KCTD18: variants seen among roughly 807,000 people sequenced by gnomAD.
KCTD18 encodes potassium channel tetramerization domain containing 18, also known as BTB/POZ domain-containing protein KCTD18.
In KCTD18, 22 loss-of-function variants were observed where a neutral mutation model predicts 30.4. The observed-to-expected ratio is 0.72, with a 90% CI of 0.52 to 1.03. The LOEUF (loss-of-function observed/expected upper bound fraction) is 1.03. Among genes scored for constraint, KCTD18 ranks in the 50% least tolerant of loss-of-function variants. The probability of loss-of-function intolerance (pLI) is 0.00; values close to 1 mark genes in which losing one functional copy is unlikely to be tolerated. For synonymous variants in KCTD18, 186 were observed against 209.0 expected, an observed-to-expected ratio of 0.89 and a Z score of 0.95; for missense variants, 529 against 547.6, an observed-to-expected ratio of 0.97 and a Z score of 0.34.
At chr2:200,498,768 C>T (rs2088036928) in intron 4 of KCTD18, 123 bp downstream of exon 4, 1 of 778,018 alleles carries the variant, frequency 1.3e-6, no homozygotes, top group Non-Finnish European at 2.2e-6. Flanking sequence ...GCTATGATGG[C>T]TCACTGTGTC....
intron 3 of KCTD18, among the ~76,000 whole-genome samples, chr2:200,501,837 C>T (rs1039570128): frequency 1.3e-4 from 20 of 150,908 alleles, no homozygotes; most frequent in African/African-American, 2.2e-4. Flanking sequence ...CACATGCACA[C>T]GTATGTTTAT....
At chr2:200,497,875 A>G in intron 4 of KCTD18, 28 bp from the exon 5 acceptor site, 2 of 1,439,602 alleles carry the variant, frequency 1.4e-6, no homozygotes, top group Admixed American at 1.7e-5. Context: ...AGTAATGAAA[A>G]TATACTACCT....
rs553746843 is a variant in KCTD18, at chr2:200,489,873, T to C, written c.*227A>G. ...AAAAAATAAATTGAAAACCAGAAAT[T>C]CAAACTGCCCATAGACAATCATATA... On this transcript the variant is annotated 3_prime_UTR_variant, in exon 7 of 7. Coordinates refer to ENST00000359878, the MANE Select transcript of KCTD18 (RefSeq NM_152387.4). The C allele has an allele frequency of 1.4e-4, 66 of 482,632 alleles. No individual in the cohort carries two copies. The highest frequency in any genetic ancestry group is 1.3e-3 in the African/African-American group (64 of 51,156). The allele number at this position is 482,632 out of a possible 1,614,324, so 29.9% of individuals were successfully genotyped here.
intron 4 of KCTD18, 47 bp downstream of exon 4, chr2:200,498,844 G>T: frequency 6.5e-7 from 1 of 1,538,528 alleles, no homozygotes; most frequent in Non-Finnish European, 9.0e-7. Flanking sequence ...TCTTAAAAGA[G>T]ACCAAGACTT....
chr2:200,490,717 C>G (rs930942858), intron 6 of KCTD18, 101 bp from the exon 7 acceptor site: 1 of 1,351,792 alleles, frequency 7.4e-7, no homozygotes, highest in Non-Finnish European at 1.0e-6. Flanking sequence ...AGGTTTTGGT[C>G]AAGAATTAAA....
At chr2:200,491,247 C>T (rs1297996458) in intron 6 of KCTD18, among the ~76,000 whole-genome samples, 1 of 152,164 alleles carries the variant, frequency 6.6e-6, no homozygotes, top group Non-Finnish European at 1.5e-5. Flanking sequence ...CTTGCTGTCT[C>T]TCACCGTGTG....
In KCTD18 at chr2:200,490,148, G is replaced by A. The variant is rs753720777; in HGVS notation, c.1233C>T (p.Ala411=). The part of the protein sequence containing the change: ...NSLKPLPGEA[A]RALGVRTENG... ...TCTCAGTCCGCACTCCCAAGGCACGGGCAGCTTCGCCGGGAAGCGGCTTGA... is the reference window on the plus strand; with the variant it reads ...TCTCAGTCCGCACTCCCAAGGCACGAGCAGCTTCGCCGGGAAGCGGCTTGA... Residue 411 remains alanine (A), a synonymous_variant, in exon 7 of 7, where the codon GCC becomes GCT. Transcript: ENST00000359878. 2 of 1,607,672 alleles carry A rather than the reference G, an allele frequency of 1.2e-6. No individual in the cohort carries two copies. The highest frequency in any genetic ancestry group is 8.5e-7 in the Non-Finnish European group (1 of 1,174,928).
At chr2:200,509,293 C>G (rs974136240) in intron 1 of KCTD18, among the ~76,000 whole-genome samples, 17 of 152,058 alleles carry the variant, frequency 1.1e-4, no homozygotes, top group Admixed American at 1.0e-3. Flanking sequence ...AGGACGAACC[C>G]CAAGTTCTTC....
chr2:200,501,562 A>G (rs1268040776), intron 3 of KCTD18, among the ~76,000 whole-genome samples: 844 of 115,948 alleles, frequency 7.3e-3, no homozygotes, highest in Admixed American at 0.011. Flanking sequence ...GCCATCAGAG[A>G]AATGCAAATC....
Position 200,504,762 on chromosome 2 carries a change from T to C in KCTD18, c.358A>G (p.Ile120Val), listed in dbSNP as rs563650713. ...EMETYSLRSN[I>V]ELKKALTDFC... ...AATGCCAAGACCTTTTTAAGTTCTA[T>C]ATTTGACCTTAAAGAATATGTCTCC... Residue 120 changes from isoleucine to valine, a missense_variant, in exon 3 of 7, where the codon ATA (isoleucine) becomes GTA (valine). Coordinates refer to ENST00000359878, the MANE Select transcript of KCTD18 (RefSeq NM_152387.4). 5.0e-6 allele frequency: 8 copies of C among 1,613,222 alleles called. No homozygotes were observed. The highest frequency in any genetic ancestry group is 1.3e-5 in the African/African-American group (1 of 75,048).
chr2:200,494,368 T>A (rs943394305), intron 5 of KCTD18, among the ~76,000 whole-genome samples: 18 of 152,180 alleles, frequency 1.2e-4, no homozygotes, highest in African/African-American at 4.3e-4. Context: ...CCATCTCAAT[T>A]TTTTTTAGAA....
chr2:200,504,271 A>G (rs2030036074), intron 3 of KCTD18, among the ~76,000 whole-genome samples: 1 of 152,184 alleles, frequency 6.6e-6, no homozygotes, highest in African/African-American at 2.4e-5. Context: ...ATCCTGGCTA[A>G]CACGGTGAAA....
intron 1 of KCTD18, among the ~76,000 whole-genome samples, chr2:200,507,941 T>G (rs2030283948): frequency 6.6e-6 from 1 of 152,198 alleles, no homozygotes; most frequent in African/African-American, 2.4e-5. Context: ...TCCGAAGTGC[T>G]GAGTATACAG....
chr2:200,504,957 C>T lies in KCTD18; in HGVS notation c.163G>A (p.Ala55Thr). 6.2e-7 allele frequency: 1 copy of T among 1,611,730 alleles called. No homozygotes were observed. Among genetic ancestry groups the T allele is most frequent in the Admixed American group, 1.7e-5 (1 of 59,836 alleles). Residue 55 changes from alanine (A) to threonine (T), a missense_variant and splice_region_variant, in exon 3 of 7, where the codon GCT becomes ACT. Transcript: ENST00000359878. ...CGTCCATCACGGTCAATAACACAAG[C>T]CCCTAGAAAACATTCAGTTCAAAAA... Reference protein sequence around the residue: ...RFPLKTDESGACVIDRDGRLF... With the variant: ...RFPLKTDESGTCVIDRDGRLF...
intron 6 of KCTD18, 134 bp from the exon 7 acceptor site, chr2:200,490,750 C>T (rs2087903831): frequency 1.2e-6 from 1 of 856,710 alleles, no homozygotes; most frequent in Non-Finnish European, 1.7e-6. Flanking sequence ...TTATGGGCAC[C>T]TACCTCATCT....
At chr2:200,497,511 T>G (rs141602094) in intron 5 of KCTD18, 1 of 393,386 alleles carries the variant, frequency 2.5e-6, no homozygotes, top group East Asian at 4.4e-5. Context: ...TTAATTAAAT[T>G]AAATAAGCCT....
rs1328555545 is a variant in KCTD18 at position 200,490,275 on chromosome 2, T to C, written c.1106A>G (p.Lys369Arg). 1 of 1,614,254 alleles carries C rather than the reference T, an allele frequency of 6.2e-7. No individual in the cohort carries two copies. Among genetic ancestry groups the C allele is most frequent in the South Asian group, 1.1e-5 (1 of 91,090 alleles). The change falls in exon 7 of 7, where the codon AAG becomes AGG. Residue 369 changes from lysine (K) to arginine (R), a missense_variant. Coordinates refer to ENST00000359878, the MANE Select transcript of KCTD18 (RefSeq NM_152387.4). ...TATCACCCGCTGGGGTGTAGGCTTC[T>C]TGTCGGAGAGTAGCACCTTAGCTGG... ...LPPAKVLLSD[K>R]KPTPQRVIKL...
chr2:200,490,229 C>G lies in KCTD18; in HGVS notation c.1152G>C (p.Leu384=), dbSNP rs759511029. The G allele has an allele frequency of 4.3e-6, 7 of 1,614,244 alleles. No individual in the cohort carries two copies. Among genetic ancestry groups the G allele is most frequent in the Non-Finnish European group, 5.1e-6 (6 of 1,180,016 alleles). The change falls in exon 7 of 7, where the codon CTG becomes CTC. Residue 384 remains leucine, a synonymous_variant. Coordinates refer to ENST00000359878, the MANE Select transcript of KCTD18 (RefSeq NM_152387.4). ...QRVIKLKRTP[L]CATAPCLPSP... ...AGGGCAGGCAAGGCGCGGTGGCGCA[C>G]AGCGGAGTCCTCTTCAGCTTTATCA...
At position 200,489,317 on chromosome 2, in the gene KCTD18, TACTA is replaced by T. The variant is rs1288402160; in HGVS notation, c.*779_*782del. ...TCAGTGGTCATTTCTGAAAAACAAATACTAACTTTAGTTAAAAAGTTAAACTTTT... is the reference window on the plus strand; with the variant it reads ...TCAGTGGTCATTTCTGAAAAACAAATACTTTAGTTAAAAAGTTAAACTTTT... On this transcript the variant is annotated 3_prime_UTR_variant, in exon 7 of 7. Coordinates refer to ENST00000359878, the MANE Select transcript of KCTD18 (RefSeq NM_152387.4). 6.6e-6 allele frequency: 1 copy of T among 152,660 alleles called. No homozygotes were observed. Among genetic ancestry groups the T allele is most frequent in the Non-Finnish European group, 1.5e-5 (1 of 68,026 alleles). The allele number at this position is 152,660 out of a possible 1,614,324, so 9.5% of individuals were successfully genotyped here. A position where few individuals can be genotyped will look rare whatever the true frequency, so the allele number is the denominator to read the frequency against.
Sources: gnomAD v4.1 joint callset for allele counts (sites outside exome capture counted in the v4.1 genomes callset) on GRCh38, gnomAD v4.1.1 for gene constraint, MANE v1.5 for transcripts, NCBI Gene and HGNC (gene_info 2026-07-23, HGNC 2026-07-21) for gene names.